DGKB: variants seen among roughly 807,000 people sequenced by gnomAD.
DGKB encodes diacylglycerol kinase beta, also known as 90 kDa diacylglycerol kinase.
In DGKB, 67 loss-of-function variants were observed where a neutral mutation model predicts 114.3. The ratio of observed to expected loss-of-function variants is 0.59; its 90% confidence interval spans 0.48 to 0.72. DGKB has a LOEUF of 0.72. Ranked by LOEUF, DGKB falls within the 30% of genes least tolerant of loss-of-function variation. DGKB has a pLI of 0.00. For synonymous variants in DGKB, 398 were observed against 323.1 expected (o/e 1.23, Z -2.49); for missense variants, 907 against 975.2 (o/e 0.93, Z 0.93).
At chr7:14,872,817 A>C (rs1204760344) in intron 1 of DGKB, among the ~76,000 whole-genome samples, 1 of 149,084 alleles carries the variant, frequency 6.7e-6, no homozygotes, top group Non-Finnish European at 1.5e-5. Flanking sequence ...AATATAATTT[A>C]TATTTATAAT....
intron 21 of DGKB, among the ~76,000 whole-genome samples, chr7:14,346,661 C>T (rs1812532430): frequency 6.6e-6 from 1 of 151,902 alleles, no homozygotes; most frequent in South Asian, 2.1e-4. Flanking sequence ...TAGAGGTAAA[C>T]ATTTAATGAC....
chr7:14,474,888 G>T (rs1235573259), intron 21 of DGKB, among the ~76,000 whole-genome samples: 2 of 151,632 alleles, frequency 1.3e-5, no homozygotes, highest in Non-Finnish European at 1.5e-5. Context: ...TTTGTTGGAA[G>T]AATATCTTAA....
intron 21 of DGKB, among the ~76,000 whole-genome samples, chr7:14,410,662 T>A (rs984152309): frequency 6.6e-6 from 1 of 152,134 alleles, no homozygotes; most frequent in Non-Finnish European, 1.5e-5. Flanking sequence ...TGCACATACG[T>A]ATCCCACAAA....
intron 14 of DGKB, among the ~76,000 whole-genome samples, chr7:14,623,408 G>T (rs961931975): frequency 6.6e-6 from 1 of 152,136 alleles, no homozygotes; most frequent in African/African-American, 2.4e-5. Flanking sequence ...TACATGTAAA[G>T]GGTATTTAGA....
chr7:14,246,049 T>C (rs1794425060), intron 23 of DGKB, among the ~76,000 whole-genome samples: 2 of 152,218 alleles, frequency 1.3e-5, no homozygotes, highest in Non-Finnish European at 2.9e-5. Context: ...GGAATTGGCA[T>C]TCTGGTTACA....
At chr7:14,906,975 C>CA (rs929036859), upstream of DGKB, among the ~76,000 whole-genome samples, 3 of 151,772 alleles carry the variant, frequency 2.0e-5, no homozygotes, top group Non-Finnish European at 2.9e-5. Flanking sequence ...TTTTATCTTT[C>CA]AAAAAAAATA....
Position 14,148,959 on chromosome 7 carries a change from AC to A in DGKB, c.*171del. On this transcript the variant is annotated 3_prime_UTR_variant, in exon 26 of 26. Coordinates refer to ENST00000402815, the MANE Select transcript of DGKB (RefSeq NM_001350709.2). The stretch of plus-strand genomic sequence containing the variant: ...TGCAAAGATGCCTATAAAAACTGAG[AC>A]AATAAATTTTCTAATAGCTGAATTT... 1.6e-6 allele frequency: 1 copy of A among 619,808 alleles called. No individual in the cohort carries two copies. Among genetic ancestry groups the A allele is most frequent in the South Asian group, 2.0e-5 (1 of 50,182 alleles). The allele number at this position is 619,808 out of a possible 1,614,324, so 38.4% of individuals were successfully genotyped here.
At chr7:14,370,793 A>T (rs1817502464) in intron 21 of DGKB, among the ~76,000 whole-genome samples, 2 of 152,150 alleles carry the variant, frequency 1.3e-5, no homozygotes, top group Non-Finnish European at 2.9e-5. Context: ...AGTACTCAAT[A>T]GTTTTTCAAC....
At chr7:14,592,443 C>G (rs1801864669) in intron 17 of DGKB, among the ~76,000 whole-genome samples, 1 of 151,898 alleles carries the variant, frequency 6.6e-6, no homozygotes, top group African/African-American at 2.4e-5. Flanking sequence ...CTTGCATGTA[C>G]ACAGTTACAT....
Position 14,338,566 on chromosome 7 carries a change from C to G in DGKB, c.2071G>C (p.Asp691His). The change falls in exon 23 of 26, where the codon GAC becomes CAC. Residue 691 changes from aspartate to histidine, a missense_variant. Physicochemically the swap from Asp to His is moderately conservative, Grantham distance 81. Around this residue, in one of 3 missense-constraint regions of DGKB, gnomAD observed 814 missense variants for 856.6 expected, o/e 0.95. Coordinates refer to ENST00000402815, the MANE Select transcript of DGKB (RefSeq NM_001350709.2). ...GCATCTGTGACGGTGGTCCTTTTGTCAGACCCTTTTTTCTCTATTCGTCGA... is the reference window on the plus strand; with the variant it reads ...GCATCTGTGACGGTGGTCCTTTTGTGAGACCCTTTTTTCTCTATTCGTCGA... ...SHRRIEKKGS[D>H]KRTTVTDAKE... is the part of the protein sequence containing the mutation. 1 of 1,607,880 alleles carries G rather than the reference C, an allele frequency of 6.2e-7. No homozygotes were observed. The highest frequency in any genetic ancestry group is 8.5e-7 in the Non-Finnish European group (1 of 1,177,108).
intron 1 of DGKB, among the ~76,000 whole-genome samples, chr7:14,931,151 G>C (rs1413947753): frequency 7.0e-6 from 1 of 143,250 alleles, no homozygotes; most frequent in African/African-American, 2.6e-5. Flanking sequence ...TCATCCTGTC[G>C]CCCAGGCTAG....
intron 1 of DGKB, among the ~76,000 whole-genome samples, chr7:14,923,867 T>C (rs1245292680): frequency 6.6e-6 from 1 of 151,194 alleles, no homozygotes; most frequent in Non-Finnish European, 1.5e-5. Context: ...TGGTGGTGCA[T>C]GCCTGTAATC....
intron 21 of DGKB, among the ~76,000 whole-genome samples, chr7:14,369,212 T>A (rs1817212874): frequency 6.6e-6 from 1 of 152,150 alleles, no homozygotes; most frequent in South Asian, 2.1e-4. Context: ...AGAATGATGA[T>A]TTCCAGCTTC....
At chr7:14,309,924 T>C (rs1331985759) in intron 23 of DGKB, among the ~76,000 whole-genome samples, 1 of 152,208 alleles carries the variant, frequency 6.6e-6, no homozygotes, top group Non-Finnish European at 1.5e-5. Flanking sequence ...TACATTTGGA[T>C]ACAGTAGCTA....
chr7:14,539,390 A>C (rs912574560), intron 20 of DGKB, among the ~76,000 whole-genome samples: 1 of 152,182 alleles, frequency 6.6e-6, no homozygotes, highest in African/African-American at 2.4e-5. Context: ...GAAATAAGAT[A>C]CATGAAGTAT....
At chr7:14,374,080 C>T (rs1202657341) in intron 21 of DGKB, among the ~76,000 whole-genome samples, 4 of 152,076 alleles carry the variant, frequency 2.6e-5, no homozygotes, top group African/African-American at 7.2e-5. Flanking sequence ...CTCTCTCTAG[C>T]CCACATGCTG....
chr7:14,254,909 A>T (rs997378754), intron 23 of DGKB, among the ~76,000 whole-genome samples: 1 of 152,228 alleles, frequency 6.6e-6, no homozygotes, highest in African/African-American at 2.4e-5. Context: ...ATTCGGATTC[A>T]TTCCCTAGAG....
chr7:14,671,594 T>C (rs1290215202), intron 13 of DGKB, among the ~76,000 whole-genome samples: 1 of 152,144 alleles, frequency 6.6e-6, no homozygotes, highest in Non-Finnish European at 1.5e-5. Flanking sequence ...ATACACCTTA[T>C]GTTTGAATTT....
At chr7:14,868,955 G>A (rs565726338) in intron 1 of DGKB, among the ~76,000 whole-genome samples, 3 of 152,166 alleles carry the variant, frequency 2.0e-5, no homozygotes, top group Non-Finnish European at 4.4e-5. Context: ...ACAGCTCCAT[G>A]AAGACACTTG....
Sources: gnomAD v4.1 joint callset for allele counts (sites outside exome capture counted in the v4.1 genomes callset) on GRCh38, gnomAD v4.1.1 for gene constraint, gnomAD v4.1.1 regional missense constraint, MANE v1.5 for transcripts, NCBI Gene and HGNC (gene_info 2026-07-23, HGNC 2026-07-21) for gene names.